Variants in UBR3 observed in about 807,000 individuals in gnomAD.
The protein encoded by UBR3 is E3 ubiquitin-protein ligase UBR3.
A neutral mutation model predicts 243.2 loss-of-function variants in UBR3; 85 were observed. The observed-to-expected ratio is 0.35, with a 90% CI of 0.29 to 0.42. The LOEUF (loss-of-function observed/expected upper bound fraction) is 0.42. Ranked by LOEUF, UBR3 falls within the 10% of genes least tolerant of loss-of-function variation. The pLI is 1.00. For synonymous variants in UBR3, 748 were observed against 799.8 expected (o/e 0.94, Z 1.09); for missense variants, 1,686 against 2,300.8 (o/e 0.73, Z 5.47).
Position 169,891,244 on chromosome 2 carries a change from A to C in UBR3, c.1105+13A>C. ...AGTGGCACCAAAGGTATTTGTATTTATTATTATTTTTTTCCTTGAATAAAA... is the reference window on the plus strand; with the variant it reads ...AGTGGCACCAAAGGTATTTGTATTTCTTATTATTTTTTTCCTTGAATAAAA... On this transcript the variant is annotated intron_variant, in intron 6 of 38. Transcript: ENST00000272793. 1.3e-6 allele frequency: 2 copies of C among 1,541,368 alleles called. No individual in the cohort carries two copies. The highest frequency in any genetic ancestry group is 4.9e-5 in the East Asian group (2 of 40,726).
At chr2:169,981,759 TG>T (rs543562775) in intron 24 of UBR3, among the ~76,000 whole-genome samples, 3 of 151,712 alleles carry the variant, frequency 2.0e-5, no homozygotes, top group East Asian at 1.9e-4. Context: ...GATGAAACTG[TG>T]GGGGGGAGGG....
In UBR3 at chr2:169,886,926, A is replaced by G. The variant is rs559599374; in HGVS notation, c.1039-4239A>G. ...TTGTATTTCATTTTTGTAAGGTGAC[A>G]TATTAAATATTCCTTCTAGCCCTGT... is the stretch of plus-strand genomic sequence containing the variant. On this transcript the variant is annotated intron_variant, in intron 5 of 38. Transcript: ENST00000272793. Among the ~76,000 whole-genome samples, 18 of 152,290 alleles carry G rather than the reference A, an allele frequency of 1.2e-4. 1 individual carries two copies. The Middle Eastern group carries it at 0.01, about 86-fold the overall frequency.
At chr2:170,078,816 A>T (rs1160384457) in intron 36 of UBR3, among the ~76,000 whole-genome samples, 1 of 152,206 alleles carries the variant, frequency 6.6e-6, no homozygotes, top group African/African-American at 2.4e-5. Context: ...ACAAATTGTT[A>T]TCCCTTCCCT....
At chr2:170,038,897 G>A (rs187679296) in intron 31 of UBR3, among the ~76,000 whole-genome samples, 24 of 152,122 alleles carry the variant, frequency 1.6e-4, no homozygotes, top group Admixed American at 7.9e-4. Flanking sequence ...GGGAGTGTGC[G>A]TATAGAGAGA....
At chr2:170,075,995 A>G (rs1425855369) in intron 36 of UBR3, among the ~76,000 whole-genome samples, 1 of 151,804 alleles carries the variant, frequency 6.6e-6, no homozygotes, top group Non-Finnish European at 1.5e-5. Context: ...TCGCTTGGGA[A>G]GAAGAGAAAC....
chr2:169,866,066 G>A (rs149435479), intron 1 of UBR3, among the ~76,000 whole-genome samples: 4,025 of 144,594 alleles, frequency 0.028, 178 homozygotes, highest in African/African-American at 0.098. Flanking sequence ...CAGGAGAATC[G>A]CTTGAACCCG....
chr2:169,878,813 A>G (rs1222804942), intron 5 of UBR3, among the ~76,000 whole-genome samples: 1 of 152,164 alleles, frequency 6.6e-6, no homozygotes, highest in African/African-American at 2.4e-5. Context: ...CTTCTTGTTT[A>G]TAATTCATTT....
chr2:169,846,639 G>A (rs1026079070), intron 1 of UBR3, among the ~76,000 whole-genome samples: 2 of 151,906 alleles, frequency 1.3e-5, no homozygotes, highest in African/African-American at 4.8e-5. Flanking sequence ...GAACCCAGGA[G>A]GTGGAGGTTG....
At chr2:169,936,953 G>A (rs1054834700) in intron 19 of UBR3, among the ~76,000 whole-genome samples, 3 of 152,172 alleles carry the variant, frequency 2.0e-5, no homozygotes, top group African/African-American at 7.2e-5. Flanking sequence ...CCAAGTCTTT[G>A]CTATTGTGAA....
chr2:169,965,328 T>C (rs1031008924), intron 24 of UBR3, among the ~76,000 whole-genome samples: 1 of 152,176 alleles, frequency 6.6e-6, no homozygotes, highest in Non-Finnish European at 1.5e-5. Flanking sequence ...TTTTTTTGTG[T>C]GTCTTATTTC....
intron 24 of UBR3, among the ~76,000 whole-genome samples, chr2:169,963,500 T>C (rs2087672023): frequency 6.6e-6 from 1 of 152,150 alleles, no homozygotes; most frequent in Non-Finnish European, 1.5e-5. Flanking sequence ...CATTTTTTTT[T>C]CTATCTTTAT....
chr2:169,985,547 T>C (rs901746428), intron 24 of UBR3, among the ~76,000 whole-genome samples: 1 of 152,126 alleles, frequency 6.6e-6, no homozygotes, highest in Non-Finnish European at 1.5e-5. Context: ...CAACTCTTAA[T>C]GGCTTCTGGT....
intron 33 of UBR3, 136 bp from the exon 34 acceptor site, chr2:170,060,943 A>G (rs1369420290): frequency 1.7e-6 from 1 of 581,746 alleles, no homozygotes; most frequent in African/African-American, 2.0e-5. Context: ...GTTTTACCCA[A>G]ATTTTGAAGA....
At chr2:169,884,661 A>G (rs1001734274) in intron 5 of UBR3, among the ~76,000 whole-genome samples, 4 of 152,172 alleles carry the variant, frequency 2.6e-5, no homozygotes, top group Non-Finnish European at 5.9e-5. Context: ...TTATTTTATT[A>G]GGACTAATGG....
chr2:169,994,232 T>A, intron 25 of UBR3, 91 bp from the exon 26 acceptor site: 1 of 1,421,142 alleles, frequency 7.0e-7, no homozygotes, highest in Non-Finnish European at 9.6e-7. Context: ...ATAATTTGAG[T>A]TGCTTGTGGT....
chr2:169,894,107 T>G (rs2084482237), intron 6 of UBR3, among the ~76,000 whole-genome samples: 1 of 151,824 alleles, frequency 6.6e-6, no homozygotes, highest in Admixed American at 6.6e-5. Flanking sequence ...ACTTAATTGC[T>G]AATAATAAAG....
intron 2 of UBR3, among the ~76,000 whole-genome samples, chr2:169,874,453 G>T (rs759449272): frequency 6.6e-6 from 1 of 152,128 alleles, no homozygotes; most frequent in Admixed American, 6.5e-5. Flanking sequence ...ACAGGTGTGA[G>T]CCATTGTGCC....
intron 1 of UBR3, among the ~76,000 whole-genome samples, chr2:169,850,831 G>A (rs1326796200): frequency 1.3e-5 from 2 of 150,518 alleles, no homozygotes; most frequent in Non-Finnish European, 3.0e-5. Flanking sequence ...GCGACAGAGA[G>A]AGACTCAGTC....
chr2:169,850,768 CG>C (rs1273915903), intron 1 of UBR3, among the ~76,000 whole-genome samples: 2 of 151,304 alleles, frequency 1.3e-5, no homozygotes, highest in Non-Finnish European at 2.9e-5. Context: ...GGCATGAACC[CG>C]GGAGGCGGAG....
Sources: gnomAD v4.1 joint callset for allele counts (sites outside exome capture counted in the v4.1 genomes callset) on GRCh38, gnomAD v4.1.1 for gene constraint, MANE v1.5 for transcripts, NCBI Gene and HGNC (gene_info 2026-07-23, HGNC 2026-07-21) for gene names.